Variants in MGAT4C observed in about 807,000 individuals in gnomAD.
The protein encoded by MGAT4C is MGAT4 family member C.
A neutral mutation model predicts 40.1 loss-of-function variants in MGAT4C; 19 were observed. The ratio of observed to expected loss-of-function variants is 0.47; its 90% CI spans 0.33 to 0.70. The LOEUF is 0.70. Among genes scored for constraint, MGAT4C ranks in the 30% least tolerant of loss-of-function variants. The pLI is 0.02. For missense variants in MGAT4C, 491 were observed against 563.2 expected, an observed-to-expected ratio of 0.87 and a Z score of 1.30; for synonymous variants, 181 against 187.1, an observed-to-expected ratio of 0.97 and a Z score of 0.27.
chr12:86,698,759 TTCATTCTGAAGGAATGAATTCATTCTGA>T (rs2136610398), intron 2 of MGAT4C, among the ~76,000 whole-genome samples: 1 of 152,214 alleles, frequency 6.6e-6, no homozygotes, highest in South Asian at 2.1e-4. Context: ...TTCACTTGGT[TTCATTCTGAAGGAATGAATTCATTCTGA>T]TCATTTTGTC....
chr12:86,621,108 T>TA (rs1299486761), intron 2 of MGAT4C, among the ~76,000 whole-genome samples: 2 of 152,006 alleles, frequency 1.3e-5, no homozygotes, highest in African/African-American at 4.8e-5. Flanking sequence ...AAATAAAATT[T>TA]AAAAAATTAT....
chr12:86,779,877 T>C (rs915359422), intron 1 of MGAT4C, among the ~76,000 whole-genome samples: 11 of 151,864 alleles, frequency 7.2e-5, no homozygotes, highest in Non-Finnish European at 1.5e-4. Context: ...TGCGCCACTG[T>C]ACTCCAGCCT....
chr12:86,454,356 T>C (rs1340942605), intron 2 of MGAT4C, among the ~76,000 whole-genome samples: 1 of 152,090 alleles, frequency 6.6e-6, no homozygotes, highest in Non-Finnish European at 1.5e-5. Context: ...GCCTTTCAAG[T>C]AGCTGGAACT....
chr12:86,376,702 T>C (rs1398137817), intron 3 of MGAT4C, among the ~76,000 whole-genome samples: 1 of 151,558 alleles, frequency 6.6e-6, no homozygotes, highest in African/African-American at 2.4e-5. Flanking sequence ...AGGAAAAATA[T>C]AAATAAGCAG....
At chr12:86,562,785 G>A (rs1031247283) in intron 2 of MGAT4C, among the ~76,000 whole-genome samples, 13 of 152,118 alleles carry the variant, frequency 8.5e-5, no homozygotes, top group African/African-American at 3.1e-4. Context: ...CATAGGAATG[G>A]ATATTAAGGG....
At chr12:86,002,960 C>T (rs1369472335) in intron 2 of MGAT4C, among the ~76,000 whole-genome samples, 2 of 151,914 alleles carry the variant, frequency 1.3e-5, no homozygotes, top group Non-Finnish European at 2.9e-5. Context: ...GCAATCATGC[C>T]CAGCTAATTT....
intron 3 of MGAT4C, among the ~76,000 whole-genome samples, chr12:86,406,192 CAA>C (rs1335640515): frequency 6.6e-6 from 1 of 150,542 alleles, no homozygotes; most frequent in Non-Finnish European, 1.5e-5. Flanking sequence ...TAGAGCTAGT[CAA>C]AAAGTGCTTA....
intron 4 of MGAT4C, among the ~76,000 whole-genome samples, chr12:86,316,420 T>C (rs1461807243): frequency 3.9e-5 from 6 of 152,190 alleles, no homozygotes; most frequent in East Asian, 3.8e-4. Flanking sequence ...TGCATTCATA[T>C]GTTCATCACA....
At chr12:86,162,620 C>T (rs1885720756) in intron 1 of MGAT4C, among the ~76,000 whole-genome samples, 1 of 152,082 alleles carries the variant, frequency 6.6e-6, no homozygotes. Flanking sequence ...TATACATGTA[C>T]TCCCTGTATC....
intron 1 of MGAT4C, among the ~76,000 whole-genome samples, chr12:86,782,623 A>G (rs562795777): frequency 1.2e-4 from 19 of 152,236 alleles, no homozygotes; most frequent in South Asian, 1.0e-3. Flanking sequence ...ATTCCCTCAA[A>G]GTTTATTTGT....
chr12:86,389,584 G>T (rs1369530415), intron 3 of MGAT4C, among the ~76,000 whole-genome samples: 1 of 152,130 alleles, frequency 6.6e-6, no homozygotes, highest in African/African-American at 2.4e-5. Context: ...GGGTCAAATG[G>T]TATTTCTGTC....
At chr12:86,296,224 G>T (rs1361436140) in intron 4 of MGAT4C, among the ~76,000 whole-genome samples, 1 of 152,032 alleles carries the variant, frequency 6.6e-6, no homozygotes, top group African/African-American at 2.4e-5. Context: ...GTGTCGATTG[G>T]TGCACTCACA....
At chr12:86,441,951 G>A (rs914097657) in intron 2 of MGAT4C, among the ~76,000 whole-genome samples, 8 of 152,112 alleles carry the variant, frequency 5.3e-5, no homozygotes, top group East Asian at 1.9e-4. Flanking sequence ...ACTACTTCAC[G>A]TCCCACTGAC....
At chr12:86,107,335 T>G (rs1876382681) in intron 1 of MGAT4C, among the ~76,000 whole-genome samples, 2 of 152,228 alleles carry the variant, frequency 1.3e-5, no homozygotes, top group Non-Finnish European at 1.5e-5. Flanking sequence ...TTTTTTGAAG[T>G]AGAATCCTGA....
At chr12:86,828,053 G>GC (rs955035169) in intron 1 of MGAT4C, among the ~76,000 whole-genome samples, 3 of 150,852 alleles carry the variant, frequency 2.0e-5, no homozygotes, top group African/African-American at 7.3e-5. Context: ...ACTAACTTGA[G>GC]CTTTCACTTA....
intron 2 of MGAT4C, among the ~76,000 whole-genome samples, chr12:86,524,154 C>T (rs1026234525): frequency 6.6e-6 from 1 of 152,044 alleles, no homozygotes; most frequent in African/African-American, 2.4e-5. Context: ...GTGATTCTGC[C>T]GACTTGTTTA....
chr12:86,009,078 G>A (rs1888195223), intron 2 of MGAT4C, among the ~76,000 whole-genome samples: 1 of 151,958 alleles, frequency 6.6e-6, no homozygotes, highest in Non-Finnish European at 1.5e-5. Context: ...TGCTATTGGA[G>A]TGCCAATCTC....
intron 2 of MGAT4C, among the ~76,000 whole-genome samples, chr12:86,545,683 T>A (rs1044538234): frequency 2.0e-5 from 3 of 151,838 alleles, no homozygotes; most frequent in Non-Finnish European, 4.4e-5. Flanking sequence ...AAGCCTTTAT[T>A]TTGGTAATAT....
chr12:86,302,963 G>A (rs1159616844), intron 4 of MGAT4C, among the ~76,000 whole-genome samples: 1 of 150,474 alleles, frequency 6.6e-6, no homozygotes. Flanking sequence ...AGGAATTCAG[G>A]GTCTAACTCT....
Sources: allele counts gnomAD v4.1 joint callset (sites outside exome capture counted in the v4.1 genomes callset), GRCh38; gene constraint gnomAD v4.1.1; transcripts MANE v1.5; gene names NCBI Gene and HGNC (gene_info 2026-07-23, HGNC 2026-07-21).